The following PRKDC variants were observed in gnomAD, a reference collection of about 807,000 sequenced individuals.
The protein encoded by PRKDC is protein kinase, DNA-activated, catalytic subunit, also known as DNA-dependent protein kinase catalytic subunit.
In PRKDC, 82 loss-of-function variants were observed where a neutral mutation model predicts 486.9. That is an observed-to-expected ratio of 0.17 (90% CI 0.14 to 0.20). The LOEUF is 0.20. Among genes scored for constraint, PRKDC ranks in the 10% least tolerant of loss-of-function variants. The pLI is 1.00. For missense variants in PRKDC, 4,504 were observed against 5,038.2 expected, an observed-to-expected ratio of 0.89 and a Z score of 3.21; for synonymous variants, 1,895 against 1,837.0, an observed-to-expected ratio of 1.03 and a Z score of -0.81.
At chr8:47,874,893 T>C (rs2089057499) in intron 40 of PRKDC, among the ~76,000 whole-genome samples, 1 of 151,916 alleles carries the variant, frequency 6.6e-6, no homozygotes, top group Non-Finnish European at 1.5e-5. Context: ...TGTGTGTATA[T>C]AAAAAATACA....
intron 50 of PRKDC, 44 bp from the exon 51 acceptor site, chr8:47,854,258 T>C (rs1316240170): frequency 6.3e-7 from 1 of 1,596,076 alleles, no homozygotes; most frequent in East Asian, 2.2e-5. Context: ...TGTTGCATAA[T>C]CAAGTAAGAA....
intron 68 of PRKDC, among the ~76,000 whole-genome samples, chr8:47,807,800 C>T (rs1346502928): frequency 6.6e-6 from 1 of 151,904 alleles, no homozygotes; most frequent in Non-Finnish European, 1.5e-5. Flanking sequence ...ACTGCAACCT[C>T]CACCTTCTGG....
At chr8:47,808,003 A>G (rs773955374) in intron 68 of PRKDC, among the ~76,000 whole-genome samples, 5 of 152,048 alleles carry the variant, frequency 3.3e-5, no homozygotes, top group Non-Finnish European at 7.4e-5. Flanking sequence ...GGATTACAGG[A>G]GTGAGCTATC....
intron 54 of PRKDC, among the ~76,000 whole-genome samples, chr8:47,840,517 G>A (rs1433696743): frequency 6.6e-6 from 1 of 152,166 alleles, no homozygotes; most frequent in Non-Finnish European, 1.5e-5. Context: ...GATTATGTAA[G>A]GGGGAAAGTT....
At chr8:47,944,086 C>A in intron 7 of PRKDC, 57 bp from the exon 8 acceptor site, 3 of 1,383,906 alleles carry the variant, frequency 2.2e-6, no homozygotes, top group South Asian at 1.3e-5. Context: ...ACATAACACA[C>A]TTTACAGACA....
chr8:47,939,429 T>C (rs1371950040), intron 11 of PRKDC, 122 bp downstream of exon 11: 3 of 1,128,066 alleles, frequency 2.7e-6, no homozygotes, highest in Non-Finnish European at 3.8e-6. Context: ...TTCACGCCCA[T>C]GTTATTCAAG....
chr8:47,849,117 C>G, intron 54 of PRKDC, 37 bp downstream of exon 54: 9 of 1,603,866 alleles, frequency 5.6e-6, no homozygotes, highest in Non-Finnish European at 6.8e-6. Flanking sequence ...GCTTTATGAG[C>G]CAGTGGGACC....
At position 47,960,101 on chromosome 8, in the gene PRKDC, C is replaced by T; in HGVS notation, c.26G>A (p.Arg9His). Residue 9 changes from arginine (R) to histidine (H), a missense_variant, in exon 1 of 86, where the codon CGT (arginine) becomes CAT (histidine). Around this residue, in one of 6 missense-constraint regions of PRKDC, gnomAD observed 145 missense variants for 136.3 expected, o/e 1.06. Coordinates refer to ENST00000314191, the MANE Select transcript of PRKDC (RefSeq NM_006904.7). Reference sequence around the variant, plus strand: ...CTCCTGCAGCCGCAGCAGGGAGCAACGCACACCGGCTCCGGAGCCCGCCAT... The same window carrying T: ...CTCCTGCAGCCGCAGCAGGGAGCAATGCACACCGGCTCCGGAGCCCGCCAT... Reference protein sequence around the residue: MAGSGAGVRCSLLRLQETL... With the variant: MAGSGAGVHCSLLRLQETL... 1 of 1,514,170 alleles carries T rather than the reference C, an allele frequency of 6.6e-7. No individual in the cohort carries two copies. Among genetic ancestry groups the T allele is most frequent in the Non-Finnish European group, 8.8e-7 (1 of 1,136,052 alleles). 93.8% of individuals were successfully genotyped at this position (1,514,170 alleles called of 1,614,324 possible). A position where few individuals can be genotyped will look rare whatever the true frequency, so the allele number is the denominator to read the frequency against.
chr8:47,800,574 A>G (rs1181493417), intron 71 of PRKDC, among the ~76,000 whole-genome samples: 1 of 151,014 alleles, frequency 6.6e-6, no homozygotes, highest in Non-Finnish European at 1.5e-5. Flanking sequence ...TAACCTGCAC[A>G]TTGTGCACAT....
Position 47,858,830 on chromosome 8 carries a change from A to G in PRKDC, c.6345+19T>C, listed in dbSNP as rs1380198777. ...CCAATGAATATAGTATTAACAGGTA[A>G]GATGAGTGGGAAAAGCACCTCTTCT... On this transcript the variant is annotated intron_variant, in intron 47 of 85. Transcript: ENST00000314191. The G allele has an allele frequency of 6.2e-7, 1 of 1,610,766 alleles. No individual in the cohort carries two copies.
At chr8:47,954,198 G>T in intron 5 of PRKDC, 140 bp downstream of exon 5, 1 of 466,582 alleles carries the variant, frequency 2.1e-6, no homozygotes, top group Non-Finnish European at 3.7e-6. Flanking sequence ...TTTTTGTTTG[G>T]TTCCATTTTG....
In PRKDC at chr8:47,927,232, G is replaced by C; in HGVS notation, c.2381C>G (p.Pro794Arg). The change falls in exon 21 of 86, where the codon CCC becomes CGC. Residue 794 changes from proline to arginine, a missense_variant. Physicochemically the swap from Pro to Arg is moderately radical, Grantham distance 103. Coordinates refer to ENST00000314191, the MANE Select transcript of PRKDC (RefSeq NM_006904.7). ...AGTCTTCAGGTATCCATCCAGGCAG[G>C]GGAGAATGTCTTTGTAATAAGGCTG... ...VMQPYYKDIL[P>R]CLDGYLKTSA... 2 of 1,613,770 alleles carry C rather than the reference G, an allele frequency of 1.2e-6. No homozygotes were observed. The highest frequency in any genetic ancestry group is 1.7e-6 in the Non-Finnish European group (2 of 1,179,766).
rs746155433 is a variant in PRKDC at position 47,939,717 on chromosome 8, AT to A, written c.967-21del. The A allele has an allele frequency of 1.2e-5, 18 of 1,536,264 alleles. No individual in the cohort carries two copies. The East Asian group carries it at 3.2e-4, about 27-fold the overall frequency. On this transcript the variant is annotated intron_variant, in intron 10 of 85. Transcript: ENST00000314191. ...AGAAACCTGCAAATACATAATATTTATTTTTTTGGAAATATTTAATAGCAAT... is the reference window on the plus strand; with the variant it reads ...AGAAACCTGCAAATACATAATATTTATTTTTTGGAAATATTTAATAGCAAT...
At chr8:47,918,174 AC>A in intron 22 of PRKDC, 102 bp downstream of exon 22, 3 of 783,278 alleles carry the variant, frequency 3.8e-6, no homozygotes, top group Non-Finnish European at 5.8e-6. Context: ...TACTTTGTAT[AC>A]AAAAACAACT....
chr8:47,918,431 A>G (rs2090023210), intron 21 of PRKDC, 48 bp from the exon 22 acceptor site: 1 of 1,159,388 alleles, frequency 8.6e-7, no homozygotes, highest in Non-Finnish European at 1.2e-6. Context: ...TCATTCATTC[A>G]TTTAATGTAC....
At chr8:47,933,313 C>T in intron 15 of PRKDC, 141 bp from the exon 16 acceptor site, 2 of 660,688 alleles carry the variant, frequency 3.0e-6, no homozygotes, top group South Asian at 3.1e-5. Context: ...AGCAGATTTA[C>T]CTGGAAGTTT....
intron 78 of PRKDC, among the ~76,000 whole-genome samples, chr8:47,783,498 G>T (rs1201878775): frequency 1.3e-5 from 2 of 151,978 alleles, no homozygotes; most frequent in African/African-American, 4.8e-5. Flanking sequence ...GCTGAGGCAG[G>T]AGAATCGTTT....
intron 23 of PRKDC, among the ~76,000 whole-genome samples, 151 bp from the exon 24 acceptor site, chr8:47,914,215 G>A (rs2089952956): frequency 6.6e-6 from 1 of 152,032 alleles, no homozygotes; most frequent in South Asian, 2.1e-4. Flanking sequence ...TTTTGCCTCA[G>A]ATATGTAATT....
intron 21 of PRKDC, among the ~76,000 whole-genome samples, chr8:47,924,796 G>A (rs1408974387): frequency 6.6e-6 from 1 of 152,092 alleles, no homozygotes; most frequent in Non-Finnish European, 1.5e-5. Flanking sequence ...GGGAGACGGA[G>A]GACCATGGGT....
Sources: gnomAD v4.1 joint callset for allele counts (sites outside exome capture counted in the v4.1 genomes callset) on GRCh38, gnomAD v4.1.1 for gene constraint, gnomAD v4.1.1 regional missense constraint, MANE v1.5 for transcripts, NCBI Gene and HGNC (gene_info 2026-07-23, HGNC 2026-07-21) for gene names.